The following LRRC8C variants were observed in gnomAD, a reference collection of about 807,000 sequenced individuals.
The protein encoded by LRRC8C is volume-regulated anion channel subunit LRRC8C.
LRRC8C carries 20 observed loss-of-function variants against 55.3 expected under a neutral mutation model. That is an observed-to-expected ratio of 0.36 (90% CI 0.25 to 0.53). The LOEUF (loss-of-function observed/expected upper bound fraction) is 0.53, where lower values mean the gene tolerates loss of function less well. LRRC8C is among the 20% of genes least tolerant of loss of function. The pLI is 0.92. For missense variants in LRRC8C, 659 were observed against 951.4 expected (o/e 0.69, Z 4.04); for synonymous variants, 376 against 360.7 (o/e 1.04, Z -0.48).
At chr1:89,684,434 A>G (rs1657813809) in intron 1 of LRRC8C, among the ~76,000 whole-genome samples, 1 of 152,244 alleles carries the variant, frequency 6.6e-6, no homozygotes. Context: ...TGCTTCACGA[A>G]TAAGCATCAG....
intron 1 of LRRC8C, among the ~76,000 whole-genome samples, chr1:89,646,880 A>G (rs1656628255): frequency 6.6e-6 from 1 of 152,174 alleles, no homozygotes; most frequent in Non-Finnish European, 1.5e-5. Context: ...ACGAAAAATA[A>G]TAAGTGCCAC....
the LRRC8C span, among the ~76,000 whole-genome samples, chr1:89,617,951 G>A: frequency 5.9e-5 from 9 of 152,056 alleles, no homozygotes; most frequent in East Asian, 3.8e-4. Flanking sequence ...TGGACCCAAC[G>A]CACACACTCT....
chr1:89,623,644 C>T, the LRRC8C span, among the ~76,000 whole-genome samples: 1 of 152,148 alleles, frequency 6.6e-6, no homozygotes, highest in Non-Finnish European at 1.5e-5. Context: ...ATTGCTTGAA[C>T]CTAGGAGGCA....
chr1:89,714,289 T>C lies in LRRC8C; in HGVS notation c.1719T>C (p.His573=). Residue 573 remains histidine (H), a synonymous_variant, in exon 3 of 3, where the codon CAT becomes CAC. Transcript: ENST00000370454. The surrounding 1 kb of genome is among the most constrained non-coding windows in gnomAD (Gnocchi z 4.6). ...VSSHLQKMCI[H]NDGTKLVMLN... The stretch of plus-strand genomic sequence containing the variant: ...GCCATCTCCAGAAGATGTGCATACA[T>C]AATGATGGCACCAAGCTGGTGATGC... 6.2e-7 allele frequency: 1 copy of C among 1,614,128 alleles called. No individual in the cohort carries two copies. Among genetic ancestry groups the C allele is most frequent in the African/African-American group, 1.3e-5 (1 of 75,018 alleles).
chr1:89,672,805 T>C (rs532192244), intron 1 of LRRC8C, among the ~76,000 whole-genome samples: 44 of 152,088 alleles, frequency 2.9e-4, no homozygotes, highest in African/African-American at 9.9e-4. Context: ...TATTTATTTA[T>C]TTATTTTTAT....
intron 2 of LRRC8C, among the ~76,000 whole-genome samples, chr1:89,693,719 G>A (rs371988178): frequency 6.3e-4 from 87 of 137,712 alleles, no homozygotes; most frequent in African/African-American, 2.0e-3. Flanking sequence ...GTGCAGAGGC[G>A]CGGTCTCGGC....
chr1:89,712,755 C>T lies in LRRC8C; in HGVS notation c.185C>T (p.Ala62Val). 6.2e-7 allele frequency: 1 copy of T among 1,614,128 alleles called. No individual in the cohort carries two copies. Among genetic ancestry groups the T allele is most frequent in the South Asian group, 1.1e-5 (1 of 91,076 alleles). ...TGCCTTCCGAAAAGAGTGCAGCCTG[C>T]TCAGAACCACTCTTCCCTTTCGAAT... is the stretch of plus-strand genomic sequence containing the variant. ...IICLPKRVQPAQNHSSLSNVS... is the reference protein window; with the variant it reads ...IICLPKRVQPVQNHSSLSNVS... Residue 62 changes from alanine (A) to valine (V), a missense_variant, in exon 3 of 3, where the codon GCT (alanine) becomes GTT (valine). Physicochemically the swap from Ala to Val is moderately conservative, Grantham distance 64 (BLOSUM62 0). This residue lies in a region of LRRC8C where 82 missense variants were observed against 71.4 expected (regional missense o/e 1.15). Coordinates refer to ENST00000370454, the MANE Select transcript of LRRC8C (RefSeq NM_032270.5).
the LRRC8C span, among the ~76,000 whole-genome samples, chr1:89,620,582 A>C: frequency 9.5e-4 from 15 of 15,802 alleles, no homozygotes; most frequent in African/African-American, 5.8e-3. Flanking sequence ...GATTTTTCAA[A>C]AAAAAAAAAA....
upstream of LRRC8C, among the ~76,000 whole-genome samples, chr1:89,628,977 T>C (rs1384996059): frequency 1.3e-5 from 2 of 152,184 alleles, no homozygotes; most frequent in Non-Finnish European, 2.9e-5. Context: ...GGCTGCTTTT[T>C]ATTCCTTCAT....
intron 1 of LRRC8C, among the ~76,000 whole-genome samples, chr1:89,639,914 T>C (rs908852281): frequency 6.6e-6 from 1 of 152,242 alleles, no homozygotes; most frequent in Non-Finnish European, 1.5e-5. Context: ...AATATTTCTA[T>C]ATGTGATTGA....
intron 1 of LRRC8C, among the ~76,000 whole-genome samples, chr1:89,655,557 T>G (rs1214273706): frequency 6.6e-6 from 1 of 152,200 alleles, no homozygotes; most frequent in African/African-American, 2.4e-5. Flanking sequence ...AATTTTGGGC[T>G]TACAGTTCTG....
chr1:89,689,701 G>T (rs1435096002), intron 2 of LRRC8C, among the ~76,000 whole-genome samples: 3 of 152,140 alleles, frequency 2.0e-5, no homozygotes, highest in Non-Finnish European at 4.4e-5. Flanking sequence ...AACACTTTGG[G>T]AGACCGAGGT....
the LRRC8C span, among the ~76,000 whole-genome samples, chr1:89,625,375 T>C: frequency 2.0e-5 from 3 of 152,310 alleles, no homozygotes; most frequent in Non-Finnish European, 2.9e-5. Flanking sequence ...GAAAGAAATA[T>C]GACTGGAATC....
intron 1 of LRRC8C, among the ~76,000 whole-genome samples, chr1:89,646,373 A>G (rs1656615176): frequency 1.3e-5 from 2 of 152,178 alleles, no homozygotes; most frequent in Admixed American, 1.3e-4. Flanking sequence ...TTTCTTGAAA[A>G]GCACAATTAC....
chr1:89,705,357 G>A (rs1478617120), intron 2 of LRRC8C, among the ~76,000 whole-genome samples: 1 of 150,458 alleles, frequency 6.6e-6, no homozygotes, highest in Non-Finnish European at 1.5e-5. Context: ...GCACCAGCAT[G>A]GCACATGTAT....
intron 1 of LRRC8C, among the ~76,000 whole-genome samples, chr1:89,662,839 A>G (rs1376487588): frequency 2.0e-5 from 3 of 151,992 alleles, no homozygotes; most frequent in Admixed American, 1.3e-4. Context: ...TTTAATTATT[A>G]TACTTTAAGT....
intron 1 of LRRC8C, among the ~76,000 whole-genome samples, chr1:89,666,462 C>T (rs1226073929): frequency 6.6e-6 from 1 of 152,124 alleles, no homozygotes; most frequent in African/African-American, 2.4e-5. Context: ...AGGCCCAGGA[C>T]AGTTCTTGTC....
At chr1:89,691,416 T>G (rs1172952935) in intron 2 of LRRC8C, among the ~76,000 whole-genome samples, 1 of 152,224 alleles carries the variant, frequency 6.6e-6, no homozygotes, top group African/African-American at 2.4e-5. Flanking sequence ...ATTGGCACAG[T>G]GACCGGAGGG....
At chr1:89,709,749 T>G (rs1005619797) in intron 2 of LRRC8C, among the ~76,000 whole-genome samples, 70 of 127,296 alleles carry the variant, frequency 5.5e-4, no homozygotes, top group African/African-American at 1.9e-3. Context: ...TGGTTTTTTT[T>G]TGTTTGTTTT....
Sources: allele counts gnomAD v4.1 joint callset (sites outside exome capture counted in the v4.1 genomes callset), GRCh38; gene constraint gnomAD v4.1.1; regional missense constraint gnomAD v4.1.1; non-coding constraint Gnocchi (gnomAD v3.1); transcripts MANE v1.5; gene names NCBI Gene and HGNC (gene_info 2026-07-23, HGNC 2026-07-21).